The following DNAJC11 variants were observed in gnomAD, a reference collection of about 807,000 sequenced individuals.
DNAJC11 encodes the protein dnaJ homolog subfamily C member 11.
In DNAJC11, 15 loss-of-function variants were observed where a neutral mutation model predicts 78.6. That is an observed-to-expected ratio of 0.19 (90% CI 0.13 to 0.29). The LOEUF (loss-of-function observed/expected upper bound fraction) is 0.29. DNAJC11 is among the 10% of genes least tolerant of loss of function. The probability of loss-of-function intolerance (pLI) is 1.00; values close to 1 mark genes in which losing one functional copy is unlikely to be tolerated. For missense variants in DNAJC11, 547 were observed against 709.6 expected (o/e 0.77, Z 2.60); for synonymous variants, 292 against 272.1 (o/e 1.07, Z -0.72).
At chr1:6,646,770 C>T (rs574689545) in intron 7 of DNAJC11, among the ~76,000 whole-genome samples, 2 of 152,292 alleles carry the variant, frequency 1.3e-5, no homozygotes, top group South Asian at 2.1e-4. Flanking sequence ...GAAGGGTAAA[C>T]TAACAGCTGG....
rs761040980 is a variant in DNAJC11, at chr1:6,634,719, G to A, written c.*956C>T. 2.6e-5 allele frequency: 36 copies of A among 1,362,216 alleles called. No homozygotes were observed. The highest frequency in any genetic ancestry group is 1.9e-5 in the Admixed American group (1 of 51,844). 84.4% of individuals were successfully genotyped at this position (1,362,216 alleles called of 1,614,324 possible). A position where few individuals can be genotyped will look rare whatever the true frequency, so the allele number is the denominator to read the frequency against. On this transcript the variant is annotated 3_prime_UTR_variant, in exon 16 of 16. Coordinates refer to ENST00000377577, the MANE Select transcript of DNAJC11 (RefSeq NM_018198.4). ...GAGGAAGGGTCTGAAGGAAGGCTCC[G>A]GAGCACAGGCCCTGGTGTTCCTGTG...
Position 6,682,265 on chromosome 1 carries a change from AAAT to A in DNAJC11, c.73-1231_73-1229del, listed in dbSNP as rs552310593. 1.7e-3 allele frequency among the ~76,000 whole-genome samples: 265 copies of A among 152,254 alleles called. 3 individuals carry two copies. The highest frequency in any genetic ancestry group is 5.9e-3 in the African/African-American group (247 of 41,550). On this transcript the variant is annotated intron_variant, in intron 1 of 15. Transcript: ENST00000377577. ...TAATGAGCTTCTTCACCAGCAAAAA[AAAT>A]ACAATTTTACTGTACTTTAGTAATA... is the stretch of plus-strand genomic sequence containing the variant.
At chr1:6,694,214 T>C (rs1642796761) in intron 1 of DNAJC11, among the ~76,000 whole-genome samples, 1 of 152,062 alleles carries the variant, frequency 6.6e-6, no homozygotes, top group Non-Finnish European at 1.5e-5. Flanking sequence ...CTTAGCCCTT[T>C]AGAAATGCAA....
intron 4 of DNAJC11, among the ~76,000 whole-genome samples, chr1:6,660,070 A>G (rs2148736946): frequency 6.6e-6 from 1 of 151,152 alleles, no homozygotes; most frequent in East Asian, 1.9e-4. Context: ...ACAAAAAAAA[A>G]AACCAAAATC....
chr1:6,654,487 G>T (rs897202102), intron 4 of DNAJC11, among the ~76,000 whole-genome samples: 7 of 152,062 alleles, frequency 4.6e-5, no homozygotes, highest in Non-Finnish European at 1.0e-4. Context: ...TACCTTCAAA[G>T]ATAAAGCAGC....
intron 7 of DNAJC11, among the ~76,000 whole-genome samples, chr1:6,650,473 G>A (rs1642037745): frequency 6.6e-6 from 1 of 152,102 alleles, no homozygotes; most frequent in Non-Finnish European, 1.5e-5. Flanking sequence ...GGCTGAGGGA[G>A]GAGGACTGCT....
At chr1:6,660,130 C>A (rs1452310343) in intron 4 of DNAJC11, among the ~76,000 whole-genome samples, 1 of 150,624 alleles carries the variant, frequency 6.6e-6, no homozygotes, top group Non-Finnish European at 1.5e-5. Flanking sequence ...TATGTACCCC[C>A]CACATCATTT....
intron 4 of DNAJC11, among the ~76,000 whole-genome samples, chr1:6,657,800 A>G (rs1282045689): frequency 1.3e-5 from 2 of 151,740 alleles, no homozygotes; most frequent in Non-Finnish European, 2.9e-5. Context: ...GCCTGCCACC[A>G]CGCCCGGCTA....
chr1:6,652,628 C>T (rs1035528130), intron 6 of DNAJC11, among the ~76,000 whole-genome samples: 12 of 151,954 alleles, frequency 7.9e-5, no homozygotes, highest in African/African-American at 2.7e-4. Context: ...TTAGTAGAGA[C>T]GGGGTTTCAC....
Position 6,635,632 on chromosome 1 carries a change from A to G in DNAJC11, c.*43T>C. ...ATTTCCAAATTTGTAGACTCCCAGG[A>G]AAAGATTTTTTGCGGCCTTTTAAAA... On this transcript the variant is annotated 3_prime_UTR_variant, in exon 16 of 16. Coordinates refer to ENST00000377577, the MANE Select transcript of DNAJC11 (RefSeq NM_018198.4). The G allele has an allele frequency of 6.2e-7, 1 of 1,610,722 alleles. No individual in the cohort carries two copies. Among genetic ancestry groups the G allele is most frequent in the Non-Finnish European group, 8.5e-7 (1 of 1,177,972 alleles).
chr1:6,682,163 C>CAAAAA lies in DNAJC11; in HGVS notation c.73-1131_73-1127dup, dbSNP rs60985504. Among the ~76,000 whole-genome samples the CAAAAA allele has an allele frequency of 4.0e-3, 377 of 93,488 alleles. 16 individuals carry two copies. The highest frequency in any genetic ancestry group is 0.011 in the African/African-American group (260 of 22,970). 61.3% of individuals were successfully genotyped at this position (93,488 alleles called of 152,430 possible). ...TAAGTTAGTCCTGGGACCATAATTACAAAAAAAAAAAAAAAAAAAAGATGA... is the reference window on the plus strand; with the variant it reads ...TAAGTTAGTCCTGGGACCATAATTACAAAAAAAAAAAAAAAAAAAAAAAAAGATGA... On this transcript the variant is annotated intron_variant, in intron 1 of 15. Transcript: ENST00000377577.
rs1420838409 is a variant in DNAJC11 at position 6,680,499 on chromosome 1, C to T, written c.202+409G>A. Among the ~76,000 whole-genome samples the T allele has an allele frequency of 3.3e-5, 5 of 152,106 alleles. No individual in the cohort carries two copies. The highest frequency in any genetic ancestry group is 1.3e-4 in the Admixed American group (2 of 15,266). On this transcript the variant is annotated intron_variant, in intron 2 of 15. Transcript: ENST00000377577. The surrounding 1 kb of genome is among the most constrained non-coding windows in gnomAD (Gnocchi z 4.0). ...ATCATTTTCTTTCTTTTATTACAACCGATAACTGCTTCAGAACCAATAAAA... is the reference window on the plus strand; with the variant it reads ...ATCATTTTCTTTCTTTTATTACAACTGATAACTGCTTCAGAACCAATAAAA...
At chr1:6,666,439 T>G (rs1642296492) in intron 4 of DNAJC11, among the ~76,000 whole-genome samples, 1 of 147,648 alleles carries the variant, frequency 6.8e-6, no homozygotes, top group Admixed American at 6.8e-5. Flanking sequence ...CAGGCTGGAA[T>G]GCAGTGGCAT....
chr1:6,645,225 A>ACAGGCCTTT lies in DNAJC11; in HGVS notation c.895-108_895-100dup. Reference sequence around the variant, plus strand: ...CACTAGCTCTGGGCATCTGCTGCACACAGGCCTTTAAGGCAGGGGTCACGG... The same window carrying ACAGGCCTTT: ...CACTAGCTCTGGGCATCTGCTGCACACAGGCCTTTCAGGCCTTTAAGGCAGGGGTCACGG... On this transcript the variant is annotated intron_variant, in intron 8 of 15. Transcript: ENST00000377577. This position sits in a 1 kb window ranked among gnomAD's most constrained non-coding sequence, Gnocchi z 4.1. 1 of 932,278 alleles carries ACAGGCCTTT rather than the reference A, an allele frequency of 1.1e-6. No homozygotes were observed. Among genetic ancestry groups the ACAGGCCTTT allele is most frequent in the Non-Finnish European group, 1.7e-6 (1 of 576,568 alleles). 57.8% of individuals were successfully genotyped at this position (932,278 alleles called of 1,614,324 possible).
In DNAJC11 at chr1:6,637,472, T is replaced by C; in HGVS notation, c.1356A>G (p.Ile452Met). ...VRLMQESVRR[I>M]IEAEESRMGL... ...CCATTCTGGACTCTTCTGCCTCAAT[T>C]ATCCTTCGGACAGATTCCTGCATCA... The change falls in exon 13 of 16, where the codon ATA becomes ATG. Residue 452 changes from isoleucine (I) to methionine (M), a missense_variant. Coordinates refer to ENST00000377577, the MANE Select transcript of DNAJC11 (RefSeq NM_018198.4). 6.2e-7 allele frequency: 1 copy of C among 1,614,218 alleles called. No homozygotes were observed. Among genetic ancestry groups the C allele is most frequent in the Non-Finnish European group, 8.5e-7 (1 of 1,180,042 alleles).
At chr1:6,640,087 A>AG in intron 10 of DNAJC11, 30 bp from the exon 11 acceptor site, 2 of 1,531,416 alleles carry the variant, frequency 1.3e-6, no homozygotes, top group South Asian at 2.5e-5. Context: ...AAAAAAAAAA[A>AG]AAGCCAAGAT....
intron 10 of DNAJC11, among the ~76,000 whole-genome samples, chr1:6,641,097 A>T (rs1409198406): frequency 1.3e-5 from 2 of 152,050 alleles, no homozygotes; most frequent in Non-Finnish European, 2.9e-5. Context: ...AAGAACACTC[A>T]AAACTTGGCC....
chr1:6,655,103 AGCTTTCTAT>A (rs2148734617), intron 4 of DNAJC11, among the ~76,000 whole-genome samples: 1 of 152,268 alleles, frequency 6.6e-6, no homozygotes, highest in East Asian at 1.9e-4. Flanking sequence ...AGCTGGTGCT[AGCTTTCTAT>A]CAGATGCTTC....
At chr1:6,701,214 T>C (rs1642921102) in intron 1 of DNAJC11, among the ~76,000 whole-genome samples, 3 of 152,124 alleles carry the variant, frequency 2.0e-5, no homozygotes, top group Admixed American at 2.0e-4. Context: ...CCTCTGAGGC[T>C]GGACCCACTT....
Sources: allele counts gnomAD v4.1 joint callset (sites outside exome capture counted in the v4.1 genomes callset), GRCh38; gene constraint gnomAD v4.1.1; non-coding constraint Gnocchi (gnomAD v3.1); transcripts MANE v1.5; gene names NCBI Gene and HGNC (gene_info 2026-07-23, HGNC 2026-07-21).